PPP2R3A: variants seen among roughly 807,000 people sequenced by gnomAD.
PPP2R3A encodes serine/threonine-protein phosphatase 2A regulatory subunit B'' subunit alpha.
PPP2R3A carries 80 observed loss-of-function variants against 106.9 expected under a neutral mutation model. The observed-to-expected ratio is 0.75, with a 90% CI of 0.62 to 0.90. The LOEUF is 0.90. PPP2R3A is among the 40% of genes least tolerant of loss of function. The probability of loss-of-function intolerance (pLI) is 0.00; values close to 1 mark genes in which losing one functional copy is unlikely to be tolerated. For synonymous variants in PPP2R3A, 483 were observed against 468.3 expected, an observed-to-expected ratio of 1.03 and a Z score of -0.41; for missense variants, 1,386 against 1,350.4, an observed-to-expected ratio of 1.03 and a Z score of -0.41.
At chr3:136,024,882 A>G (rs1441391914) in intron 2 of PPP2R3A, among the ~76,000 whole-genome samples, 2 of 152,184 alleles carry the variant, frequency 1.3e-5, no homozygotes, top group Non-Finnish European at 2.9e-5. Flanking sequence ...TTGAAGAATA[A>G]TAATAATTTA....
chr3:136,095,373 T>C (rs1293772462), intron 10 of PPP2R3A, among the ~76,000 whole-genome samples: 3 of 152,244 alleles, frequency 2.0e-5, no homozygotes, highest in African/African-American at 4.8e-5. Context: ...AGCTCACATA[T>C]TGAGATTCCA....
chr3:136,001,015 C>T, intron 1 of PPP2R3A, 44 bp from the exon 2 acceptor site: 1 of 395,340 alleles, frequency 2.5e-6, no homozygotes. Flanking sequence ...ATCAAAAGTT[C>T]CAGCATTAAA....
intron 1 of PPP2R3A, among the ~76,000 whole-genome samples, chr3:135,990,873 C>T (rs952581021): frequency 5.9e-5 from 9 of 152,054 alleles, no homozygotes; most frequent in Non-Finnish European, 8.8e-5. Flanking sequence ...GATCTTGTCT[C>T]CTCTCGCAGC....
intron 13 of PPP2R3A, among the ~76,000 whole-genome samples, chr3:136,129,919 G>T (rs1473436295): frequency 6.6e-6 from 1 of 152,094 alleles, no homozygotes; most frequent in Non-Finnish European, 1.5e-5. Flanking sequence ...AAAACCACAC[G>T]ATTATCTCAA....
chr3:136,065,123 C>T (rs1936220385), intron 5 of PPP2R3A, among the ~76,000 whole-genome samples: 1 of 152,084 alleles, frequency 6.6e-6, no homozygotes, highest in South Asian at 2.1e-4. Flanking sequence ...TTGCAGCTTA[C>T]AAAGATAATC....
chr3:136,084,653 G>A (rs937298038), intron 8 of PPP2R3A, among the ~76,000 whole-genome samples: 8 of 152,212 alleles, frequency 5.3e-5, no homozygotes, highest in Admixed American at 3.9e-4. Flanking sequence ...CTCAATGCCA[G>A]CCCATGAAAG....
intron 4 of PPP2R3A, among the ~76,000 whole-genome samples, chr3:136,045,331 T>A (rs1046805290): frequency 3.3e-5 from 5 of 152,166 alleles, no homozygotes; most frequent in Non-Finnish European, 7.3e-5. Flanking sequence ...ACAGGCCTGG[T>A]CCCAGGCCCC....
intron 2 of PPP2R3A, among the ~76,000 whole-genome samples, chr3:136,011,543 A>AT (rs1364763870): frequency 3.3e-5 from 5 of 152,220 alleles, no homozygotes; most frequent in Non-Finnish European, 5.9e-5. Flanking sequence ...ACCCTAAGAG[A>AT]TTCCACTATT....
intron 1 of PPP2R3A, among the ~76,000 whole-genome samples, chr3:135,971,421 C>G (rs1937243486): frequency 6.6e-6 from 1 of 152,282 alleles, no homozygotes; most frequent in East Asian, 1.9e-4. Context: ...ACATTGGCAA[C>G]CTTAACCTAG....
chr3:136,075,383 C>G (rs1157976588), intron 6 of PPP2R3A, among the ~76,000 whole-genome samples: 1 of 152,128 alleles, frequency 6.6e-6, no homozygotes, highest in Non-Finnish European at 1.5e-5. Context: ...AGTGTAGAGT[C>G]AGCAGCTACA....
rs939416104 is a variant in PPP2R3A at position 136,023,325 on chromosome 3, T to C, written c.1996-3507T>C. The C allele has an allele frequency of 2.0e-5, 16 of 794,370 alleles. No homozygotes were observed. The South Asian group carries it at 2.6e-4, about 13-fold the overall frequency. The allele number at this position is 794,370 out of a possible 1,614,324, so 49.2% of individuals were successfully genotyped here. On this transcript the variant is annotated intron_variant, in intron 2 of 13. Transcript: ENST00000264977. ...TTTACAGCTCCCTTGTATCTTGATA[T>C]TAGATCAAGGAATTAATGTGTGTCC...
intron 5 of PPP2R3A, among the ~76,000 whole-genome samples, chr3:136,051,994 G>A (rs537520652): frequency 2.9e-4 from 44 of 152,128 alleles, no homozygotes; most frequent in African/African-American, 1.0e-3. Flanking sequence ...ACATGGTTTT[G>A]TTCCCCTAAA....
At chr3:136,041,262 GTTT>G (rs71157355) in intron 4 of PPP2R3A, among the ~76,000 whole-genome samples, 4 of 96,592 alleles carry the variant, frequency 4.1e-5, no homozygotes, top group Admixed American at 1.2e-4. Flanking sequence ...TTTTTTTTTT[GTTT>G]TTTTTTTTTT....
intron 2 of PPP2R3A, among the ~76,000 whole-genome samples, chr3:136,014,132 C>T (rs1426394812): frequency 6.6e-6 from 1 of 152,056 alleles, no homozygotes; most frequent in Admixed American, 6.5e-5. Context: ...TTTGCCTTGT[C>T]AAGGATCAGT....
chr3:136,079,028 G>C lies in PPP2R3A; in HGVS notation c.2631+575G>C, dbSNP rs114064263. 7.1e-3 allele frequency: 2,105 copies of C among 295,838 alleles called. 51 individuals carry two copies. Among genetic ancestry groups the C allele is most frequent in the African/African-American group, 0.043 (1,974 of 46,052 alleles). 18.3% of individuals were successfully genotyped at this position (295,838 alleles called of 1,614,324 possible). A position where few individuals can be genotyped will look rare whatever the true frequency, so the allele number is the denominator to read the frequency against. ...GTTTAAGCTTCTGTAAACATAAAGT[G>C]AAATTGTTCACACTTGGAAGAAAAT... On this transcript the variant is annotated intron_variant, in intron 7 of 13. Transcript: ENST00000264977.
intron 13 of PPP2R3A, among the ~76,000 whole-genome samples, chr3:136,129,086 C>G (rs187680297): frequency 6.6e-6 from 1 of 151,998 alleles, no homozygotes; most frequent in African/African-American, 2.4e-5. Flanking sequence ...AAAATCGACA[C>G]CCTAACATCA....
At chr3:136,012,414 T>G (rs1163281470) in intron 2 of PPP2R3A, among the ~76,000 whole-genome samples, 1 of 152,208 alleles carries the variant, frequency 6.6e-6, no homozygotes, top group Non-Finnish European at 1.5e-5. Context: ...ATAGAATGTG[T>G]TCCCATAATT....
At chr3:136,082,815 GTT>G (rs1936819587) in intron 8 of PPP2R3A, among the ~76,000 whole-genome samples, 1 of 152,080 alleles carries the variant, frequency 6.6e-6, no homozygotes. Context: ...TGAAAATAAT[GTT>G]TTTAACTTGC....
At chr3:136,091,860 G>A (rs1055900051) in intron 10 of PPP2R3A, among the ~76,000 whole-genome samples, 4 of 152,084 alleles carry the variant, frequency 2.6e-5, no homozygotes, top group African/African-American at 9.7e-5. Flanking sequence ...GCAGAGTAGA[G>A]TATCTCTTAT....
Sources: allele counts gnomAD v4.1 joint callset (sites outside exome capture counted in the v4.1 genomes callset), GRCh38; gene constraint gnomAD v4.1.1; transcripts MANE v1.5; gene names NCBI Gene and HGNC (gene_info 2026-07-23, HGNC 2026-07-21).